AFDN: variants seen among roughly 807,000 people sequenced by gnomAD.
AFDN encodes the protein afadin.
In AFDN, 68 loss-of-function variants were observed where a neutral mutation model predicts 216.6. The ratio of observed to expected loss-of-function variants is 0.31; its 90% CI spans 0.26 to 0.38. AFDN has a LOEUF of 0.38. Ranked by LOEUF, AFDN falls within the 10% of genes least tolerant of loss-of-function variation. The pLI is 1.00. For missense variants in AFDN, 2,136 were observed against 2,342.0 expected, an observed-to-expected ratio of 0.91 and a Z score of 1.82; for synonymous variants, 868 against 853.7, an observed-to-expected ratio of 1.02 and a Z score of -0.29.
chr6:167,928,613 C>T (rs548391428), intron 23 of AFDN, among the ~76,000 whole-genome samples: 11 of 152,324 alleles, frequency 7.2e-5, no homozygotes, highest in Admixed American at 2.0e-4. Context: ...CGCTCAGGCA[C>T]GGGTGCAGAG....
intron 1 of AFDN, among the ~76,000 whole-genome samples, chr6:167,857,471 A>G (rs1294856706): frequency 6.6e-6 from 1 of 152,134 alleles, no homozygotes; most frequent in Non-Finnish European, 1.5e-5. Flanking sequence ...TGGTAAACTA[A>G]CATGAAAATG....
rs1308731887 is a variant in AFDN, at chr6:167,875,485, G to A, written c.729G>A (p.Arg243=). 2.5e-6 allele frequency: 4 copies of A among 1,613,400 alleles called. No individual in the cohort carries two copies. Among genetic ancestry groups the A allele is most frequent in the Middle Eastern group, 1.6e-4 (1 of 6,076 alleles). The change falls in exon 5 of 34, where the codon CGG becomes CGA. Residue 243 remains arginine (R), a synonymous_variant. Coordinates refer to ENST00000683244, the MANE Select transcript of AFDN (RefSeq NM_001386888.1). ...AGGAATTTCGGAGCTCAGATGGGCG[G>A]CCTGATTCAGGTACAACTTGGTATT... ...RMQEFRSSDG[R]PDSGGTLRIY...
Position 167,925,040 on chromosome 6 carries a change from T to C in AFDN, c.3048T>C (p.Thr1016=). 6.2e-6 allele frequency: 10 copies of C among 1,613,984 alleles called. No individual in the cohort carries two copies. The highest frequency in any genetic ancestry group is 2.2e-5 in the East Asian group (1 of 44,870). Residue 1016 remains threonine, a synonymous_variant, in exon 23 of 34, where the codon ACT becomes ACC. Coordinates refer to ENST00000683244, the MANE Select transcript of AFDN (RefSeq NM_001386888.1). ...QPLRKEPEII[T]VTLKKQNGMG... ...TGAGGAAAGAACCTGAAATAATCAC[T>C]GTGACCCTAAAAAAGCAGAATGGAA...
chr6:167,837,892 A>G (rs1412889984), intron 1 of AFDN, among the ~76,000 whole-genome samples: 1 of 152,248 alleles, frequency 6.6e-6, no homozygotes, highest in Admixed American at 6.5e-5. Flanking sequence ...AAAATTTGGA[A>G]TGTAATTTTC....
chr6:167,933,564 G>A (rs1793600423), intron 23 of AFDN, among the ~76,000 whole-genome samples: 1 of 152,156 alleles, frequency 6.6e-6, no homozygotes, highest in Non-Finnish European at 1.5e-5. Context: ...GACCTATTGT[G>A]CTTACATTTC....
At chr6:167,873,110 A>G (rs1327486799) in intron 4 of AFDN, among the ~76,000 whole-genome samples, 1 of 152,208 alleles carries the variant, frequency 6.6e-6, no homozygotes, top group East Asian at 1.9e-4. Flanking sequence ...ACTACATGGT[A>G]TTCTATACAT....
At chr6:167,890,279 T>C (rs1490394670) in intron 7 of AFDN, among the ~76,000 whole-genome samples, 1 of 152,246 alleles carries the variant, frequency 6.6e-6, no homozygotes, top group Non-Finnish European at 1.5e-5. Flanking sequence ...GTTAAAATTT[T>C]ATTAAAGGCA....
rs528185188 is a variant in AFDN at position 167,844,811 on chromosome 6, T to G, written c.105+17574T>G. ...TGTCATTGGTTTTAAAATTTGTAAT[T>G]CCTTATTCATTGTTGAGAATGAGCA... On this transcript the variant is annotated intron_variant, in intron 1 of 33. Transcript: ENST00000683244. Among the ~76,000 whole-genome samples, 3 of 152,178 alleles carry G rather than the reference T, an allele frequency of 2.0e-5. No homozygotes were observed. In the East Asian group the frequency reaches 5.8e-4, roughly 29 times the overall value.
At chr6:167,927,370 A>T (rs1302588515) in intron 23 of AFDN, among the ~76,000 whole-genome samples, 2 of 152,208 alleles carry the variant, frequency 1.3e-5, no homozygotes, top group Non-Finnish European at 2.9e-5. Context: ...CTGTGCGATT[A>T]CTAAGGAGAG....
intron 1 of AFDN, among the ~76,000 whole-genome samples, chr6:167,849,463 AT>A (rs3839645): frequency 0.87 from 131,685 of 151,962 alleles, 57,363 homozygotes; most frequent in Non-Finnish European, 0.92. Flanking sequence ...CTTATATGAG[AT>A]TTTTTTGAAC....
chr6:167,906,953 A>G (rs1175258765), intron 12 of AFDN, among the ~76,000 whole-genome samples: 1 of 152,226 alleles, frequency 6.6e-6, no homozygotes, highest in Non-Finnish European at 1.5e-5. Context: ...CTCTTTGAGA[A>G]TGAAAGTGGC....
At chr6:167,839,222 A>G (rs532780173) in intron 1 of AFDN, among the ~76,000 whole-genome samples, 4 of 152,318 alleles carry the variant, frequency 2.6e-5, no homozygotes, top group South Asian at 2.1e-4. Context: ...TTTGAGAAAC[A>G]CTTCAGATTT....
intron 32 of AFDN, chr6:167,966,296 G>T (rs924349721): frequency 2.6e-5 from 38 of 1,472,604 alleles, no homozygotes; most frequent in Non-Finnish European, 3.2e-5. Context: ...TGACAAATCA[G>T]CTCTCTTTGT....
Position 167,959,026 on chromosome 6 carries a change from A to G in AFDN, c.4834-3407A>G, listed in dbSNP as rs368007702. 2.0e-5 allele frequency among the ~76,000 whole-genome samples: 3 copies of G among 152,372 alleles called. No individual in the cohort carries two copies. In the East Asian group the frequency reaches 5.8e-4, roughly 29 times the overall value. On this transcript the variant is annotated intron_variant, in intron 30 of 33. Transcript: ENST00000683244. ...GAAATATGTATTAAAACCAACACGT[A>G]TATATTGCAGAATGGAATACAAAGT...
At chr6:167,874,968 A>T (rs926627619) in intron 4 of AFDN, among the ~76,000 whole-genome samples, 1 of 152,106 alleles carries the variant, frequency 6.6e-6, no homozygotes, top group African/African-American at 2.4e-5. Context: ...ATTCAGTCCT[A>T]TATTTCTTTC....
chr6:167,902,735 C>T (rs1488549786), intron 12 of AFDN, among the ~76,000 whole-genome samples: 1 of 152,200 alleles, frequency 6.6e-6, no homozygotes, highest in Non-Finnish European at 1.5e-5. Context: ...ATTGTACTCA[C>T]CTGTTTTCGG....
intron 27 of AFDN, among the ~76,000 whole-genome samples, chr6:167,947,261 G>A (rs1441304756): frequency 6.6e-6 from 1 of 151,578 alleles, no homozygotes; most frequent in Non-Finnish European, 1.5e-5. Context: ...CTAACTGCAA[G>A]CTCCACCTCC....
chr6:167,954,603 C>T lies in AFDN; in HGVS notation c.4833+2416C>T, dbSNP rs563983702. The T allele has an allele frequency of 1.3e-5, 11 of 840,838 alleles. No homozygotes were observed. In the Admixed American group the frequency reaches 2.2e-4, roughly 17 times the overall value. 52.1% of individuals were successfully genotyped at this position (840,838 alleles called of 1,614,324 possible). A position where few individuals can be genotyped will look rare whatever the true frequency, so the allele number is the denominator to read the frequency against. Reference sequence around the variant, plus strand: ...TAGATCCAGTTCTCCTTAGGGGTGTCCTCCATCAGGAGATGGAGTCCCTGA... The same window carrying T: ...TAGATCCAGTTCTCCTTAGGGGTGTTCTCCATCAGGAGATGGAGTCCCTGA... On this transcript the variant is annotated intron_variant, in intron 30 of 33. Coordinates refer to ENST00000683244, the MANE Select transcript of AFDN (RefSeq NM_001386888.1).
chr6:167,834,494 C>T lies in AFDN; in HGVS notation c.105+7257C>T, dbSNP rs147117711. Among the ~76,000 whole-genome samples the T allele has an allele frequency of 5.1e-3, 431 of 83,818 alleles. 2 individuals are homozygous for T. Among genetic ancestry groups the T allele is most frequent in the Middle Eastern group, 0.042 (3 of 72 alleles). 55.0% of individuals were successfully genotyped at this position (83,818 alleles called of 152,430 possible). On this transcript the variant is annotated intron_variant, in intron 1 of 33. Transcript: ENST00000683244. ...TTTTTTTTTTTCGAAAGGTATAAAA[C>T]GTGATAGATGGAACACTGGACTACA...
Sources: allele counts gnomAD v4.1 joint callset (sites outside exome capture counted in the v4.1 genomes callset), GRCh38; gene constraint gnomAD v4.1.1; transcripts MANE v1.5; gene names NCBI Gene and HGNC (gene_info 2026-07-23, HGNC 2026-07-21).